The following MTUS2 variants were observed in gnomAD, a reference collection of about 807,000 sequenced individuals.
The protein encoded by MTUS2 is microtubule-associated tumor suppressor candidate 2.
In MTUS2, 40 loss-of-function variants were observed where a neutral mutation model predicts 114.1. The ratio of observed to expected loss-of-function variants is 0.35; its 90% CI spans 0.27 to 0.46. The LOEUF (loss-of-function observed/expected upper bound fraction) is 0.46. Among genes scored for constraint, MTUS2 ranks in the 20% least tolerant of loss-of-function variants. The pLI, the probability that MTUS2 is intolerant of heterozygous loss-of-function variation, is 1.00. For synonymous variants in MTUS2, 688 were observed against 672.0 expected, an observed-to-expected ratio of 1.02 and a Z score of -0.37; for missense variants, 1,679 against 1,705.4, an observed-to-expected ratio of 0.98 and a Z score of 0.27.
chr13:29,039,364 G>C (rs1413780138), intron 4 of MTUS2, among the ~76,000 whole-genome samples: 1 of 152,232 alleles, frequency 6.6e-6, no homozygotes, highest in Admixed American at 6.5e-5. Flanking sequence ...TTGGAATCAG[G>C]ACGCCAGAAA....
chr13:29,322,325 A>T (rs1900287345), intron 6 of MTUS2, among the ~76,000 whole-genome samples: 1 of 152,152 alleles, frequency 6.6e-6, no homozygotes, highest in Admixed American at 6.5e-5. Context: ...CAAGTGAAGG[A>T]AAAGAATGGG....
intron 8 of MTUS2, among the ~76,000 whole-genome samples, chr13:29,436,179 C>G (rs1171261872): frequency 6.6e-6 from 1 of 152,182 alleles, no homozygotes; most frequent in East Asian, 1.9e-4. Flanking sequence ...TGCTCAGATC[C>G]AGGCCGAGGC....
chr13:29,133,500 G>A (rs1164970990), intron 5 of MTUS2, among the ~76,000 whole-genome samples: 1 of 152,106 alleles, frequency 6.6e-6, no homozygotes, highest in African/African-American at 2.4e-5. Flanking sequence ...ACATTTAGAT[G>A]TTTGATCCAT....
intron 2 of MTUS2, among the ~76,000 whole-genome samples, chr13:28,891,114 A>G (rs1454917117): frequency 6.6e-6 from 1 of 152,166 alleles, no homozygotes; most frequent in Admixed American, 6.5e-5. Flanking sequence ...GAACGAAGCT[A>G]TGGGAGAAGA....
At chr13:28,997,573 C>G (rs1593368263) in intron 2 of MTUS2, among the ~76,000 whole-genome samples, 1 of 152,060 alleles carries the variant, frequency 6.6e-6, no homozygotes, top group South Asian at 2.1e-4. Context: ...TCTGGGTGCT[C>G]CTGTATTGGG....
chr13:29,310,530 T>C lies in MTUS2; in HGVS notation c.2807-14083T>C, dbSNP rs545875060. ...GATAAAGCTTTAAAAAGGTTACATATTGCAACCCTTACAAGTGAGTGCACA... is the reference window on the plus strand; with the variant it reads ...GATAAAGCTTTAAAAAGGTTACATACTGCAACCCTTACAAGTGAGTGCACA... On this transcript the variant is annotated intron_variant, in intron 6 of 15. Coordinates refer to ENST00000612955, the MANE Select transcript of MTUS2 (RefSeq NM_001033602.4). Among the ~76,000 whole-genome samples, 3 of 152,240 alleles carry C rather than the reference T, an allele frequency of 2.0e-5. No individual in the cohort carries two copies. In the South Asian group the frequency reaches 6.2e-4, roughly 32 times the overall value.
intron 2 of MTUS2, among the ~76,000 whole-genome samples, chr13:28,919,895 T>C (rs1880950800): frequency 6.6e-6 from 1 of 152,226 alleles, no homozygotes; most frequent in Non-Finnish European, 1.5e-5. Context: ...TTTTCAGCTC[T>C]AGAATTTCAG....
At chr13:29,113,201 T>C (rs1183410458) in intron 5 of MTUS2, among the ~76,000 whole-genome samples, 1 of 152,178 alleles carries the variant, frequency 6.6e-6, no homozygotes, top group East Asian at 1.9e-4. Context: ...TACAACTCTA[T>C]GGAAGCAGAG....
intron 2 of MTUS2, among the ~76,000 whole-genome samples, chr13:28,947,243 C>T (rs998817828): frequency 1.8e-4 from 28 of 152,068 alleles, no homozygotes; most frequent in African/African-American, 6.5e-4. Flanking sequence ...AAAAGAGTGT[C>T]GCTGCTTGAA....
At chr13:28,976,852 A>T (rs1593349969) in intron 2 of MTUS2, among the ~76,000 whole-genome samples, 2 of 152,336 alleles carry the variant, frequency 1.3e-5, no homozygotes, top group East Asian at 3.9e-4. Flanking sequence ...GATACAAAAT[A>T]ATCTGCATGC....
chr13:29,143,324 A>G (rs1002304488), intron 5 of MTUS2, among the ~76,000 whole-genome samples: 10 of 152,242 alleles, frequency 6.6e-5, no homozygotes, highest in Admixed American at 4.6e-4. Flanking sequence ...CATAAGGCAG[A>G]CAAGACAGAT....
At chr13:28,821,133 ACT>A (rs1258673720) in intron 1 of MTUS2, among the ~76,000 whole-genome samples, 1 of 151,982 alleles carries the variant, frequency 6.6e-6, no homozygotes, top group Admixed American at 6.5e-5. Context: ...AGGCGCCTGT[ACT>A]CTCTGTTATA....
intron 5 of MTUS2, among the ~76,000 whole-genome samples, chr13:29,232,494 T>C (rs919543371): frequency 2.6e-5 from 4 of 152,220 alleles, no homozygotes; most frequent in Non-Finnish European, 5.9e-5. Context: ...GACCAGACTC[T>C]GGACTCCCGA....
At position 29,063,290 on chromosome 13, in the gene MTUS2, T is replaced by C. The variant is rs1230044606; in HGVS notation, c.2446+29165T>C. Among the ~76,000 whole-genome samples the C allele has an allele frequency of 3.3e-5, 5 of 152,218 alleles. No homozygotes were observed. In the East Asian group the frequency reaches 5.8e-4, roughly 18 times the overall value. ...AGTGTACAGAATGTCAGGATGTAAT[T>C]TGTGCATATGGTAAATGCAACTAAA... On this transcript the variant is annotated intron_variant, in intron 4 of 15. Transcript: ENST00000612955.
chr13:29,332,956 G>A (rs1479824481), intron 7 of MTUS2, among the ~76,000 whole-genome samples: 1 of 151,996 alleles, frequency 6.6e-6, no homozygotes, highest in Non-Finnish European at 1.5e-5. Flanking sequence ...TTTTAATTGT[G>A]ATGTTAGAGT....
chr13:29,023,482 T>C (rs752785632), intron 2 of MTUS2, among the ~76,000 whole-genome samples: 5 of 152,192 alleles, frequency 3.3e-5, no homozygotes, highest in Non-Finnish European at 5.9e-5. Context: ...TACATACACG[T>C]TTTTCTTGGT....
At chr13:29,034,493 T>C (rs1308890831) in intron 4 of MTUS2, among the ~76,000 whole-genome samples, 4 of 152,146 alleles carry the variant, frequency 2.6e-5, no homozygotes, top group African/African-American at 9.7e-5. Context: ...CTTGGTCCAT[T>C]TGGTGTCGAG....
chr13:28,826,629 A>C (rs962924373), intron 1 of MTUS2, among the ~76,000 whole-genome samples: 12 of 152,238 alleles, frequency 7.9e-5, no homozygotes, highest in African/African-American at 2.9e-4. Flanking sequence ...GACTTTAGAA[A>C]GTTTGACTCA....
intron 2 of MTUS2, among the ~76,000 whole-genome samples, chr13:28,996,642 A>C (rs964491037): frequency 2.0e-5 from 3 of 152,052 alleles, no homozygotes; most frequent in African/African-American, 7.2e-5. Context: ...TGTATGTGTC[A>C]AGGAATTTAT....
Sources: allele counts gnomAD v4.1 joint callset (sites outside exome capture counted in the v4.1 genomes callset), GRCh38; gene constraint gnomAD v4.1.1; transcripts MANE v1.5; gene names NCBI Gene and HGNC (gene_info 2026-07-23, HGNC 2026-07-21).